Variants in NRG1 observed in about 807,000 individuals in gnomAD.
NRG1 encodes neuregulin 1.
NRG1 carries 18 observed loss-of-function variants against 63.8 expected under a neutral mutation model. The observed-to-expected ratio is 0.28, with a 90% CI of 0.19 to 0.42. The LOEUF (loss-of-function observed/expected upper bound fraction) is 0.42. Among genes scored for constraint, NRG1 ranks in the 10% least tolerant of loss-of-function variants. The probability of loss-of-function intolerance (pLI) is 1.00; values close to 1 mark genes in which losing one functional copy is unlikely to be tolerated. For synonymous variants in NRG1, 302 were observed against 301.3 expected, an observed-to-expected ratio of 1.00 and a Z score of -0.02; for missense variants, 762 against 814.7, an observed-to-expected ratio of 0.94 and a Z score of 0.79.
chr8:32,355,672 A>AAT (rs1806288610), intron 1 of NRG1, among the ~76,000 whole-genome samples: 1 of 151,404 alleles, frequency 6.6e-6, no homozygotes, highest in South Asian at 2.1e-4. Flanking sequence ...GAAGGGGGAA[A>AAT]AAAAAAACTG....
intron 1 of NRG1, among the ~76,000 whole-genome samples, chr8:32,505,431 G>C (rs1313200452): frequency 6.6e-6 from 1 of 152,054 alleles, no homozygotes; most frequent in Admixed American, 6.6e-5. Context: ...CCATCATCTG[G>C]TCTTTGACAA....
intron 1 of NRG1, among the ~76,000 whole-genome samples, chr8:32,571,791 C>G (rs1422658606): frequency 6.6e-6 from 1 of 152,068 alleles, no homozygotes; most frequent in African/African-American, 2.4e-5. Context: ...GCAGAATTTT[C>G]AAAGTTACTC....
chr8:32,305,442 C>T (rs879488411), intron 1 of NRG1, among the ~76,000 whole-genome samples: 1 of 152,112 alleles, frequency 6.6e-6, no homozygotes, highest in African/African-American at 2.4e-5. Flanking sequence ...ATACAATCTT[C>T]ACTTTTAGTC....
At chr8:32,059,814 C>T (rs1823550222) in intron 1 of NRG1, among the ~76,000 whole-genome samples, 1 of 151,868 alleles carries the variant, frequency 6.6e-6, no homozygotes, top group African/African-American at 2.4e-5. Context: ...CTATGGGAAA[C>T]TTTATTTCTA....
At chr8:31,959,091 G>A (rs983388367) in intron 1 of NRG1, among the ~76,000 whole-genome samples, 4 of 152,176 alleles carry the variant, frequency 2.6e-5, no homozygotes, top group African/African-American at 7.2e-5. Flanking sequence ...GCATGTGTCT[G>A]AAGTATCTGG....
rs138467608 is a variant in NRG1 at position 31,752,228 on chromosome 8, G to T, written c.37+112797G>T. 1.3e-4 allele frequency among the ~76,000 whole-genome samples: 20 copies of T among 152,146 alleles called. No individual in the cohort carries two copies. The East Asian group carries it at 3.9e-3, about 30-fold the overall frequency. ...ATTGATGTTTCAAAACAATTTTGTTGGTTTTTGATAATGTGGAAGTTATGG... is the reference window on the plus strand; with the variant it reads ...ATTGATGTTTCAAAACAATTTTGTTTGTTTTTGATAATGTGGAAGTTATGG... On this transcript the variant is annotated intron_variant, in intron 1 of 10. Coordinates refer to the NRG1 transcript ENST00000519301.
intron 1 of NRG1, among the ~76,000 whole-genome samples, chr8:31,881,341 C>A (rs1312943264): frequency 1.3e-5 from 2 of 152,120 alleles, no homozygotes; most frequent in Non-Finnish European, 2.9e-5. Flanking sequence ...TTTGGGAGCA[C>A]AACAAACCAT....
chr8:32,614,402 C>G (rs1265666500), intron 3 of NRG1, 112 bp from the exon 4 acceptor site: 4 of 987,868 alleles, frequency 4.0e-6, no homozygotes, highest in Non-Finnish European at 6.3e-6. Flanking sequence ...TTCTCACTCC[C>G]TTGCAATACT....
At chr8:32,539,121 C>T (rs919523888) in intron 1 of NRG1, among the ~76,000 whole-genome samples, 2 of 152,050 alleles carry the variant, frequency 1.3e-5, no homozygotes, top group South Asian at 4.1e-4. Flanking sequence ...AGGGTGCCCA[C>T]AATGCACAGG....
intron 5 of NRG1, among the ~76,000 whole-genome samples, chr8:32,699,604 G>C (rs1316842801): frequency 6.6e-6 from 1 of 152,162 alleles, no homozygotes; most frequent in Non-Finnish European, 1.5e-5. Context: ...TTCAAACATA[G>C]GAGAACAAAA....
At chr8:32,724,485 C>T (rs1297645789) in intron 5 of NRG1, among the ~76,000 whole-genome samples, 3 of 151,988 alleles carry the variant, frequency 2.0e-5, no homozygotes, top group Admixed American at 6.6e-5. Flanking sequence ...GTTGAATTAC[C>T]AAATGGAAAC....
chr8:31,818,342 G>A (rs929094087), intron 1 of NRG1, among the ~76,000 whole-genome samples: 7 of 152,102 alleles, frequency 4.6e-5, no homozygotes, highest in Admixed American at 6.5e-5. Context: ...TAGGTTTTAC[G>A]GTCTTGTGTA....
chr8:31,661,137 A>G (rs1032288539), intron 1 of NRG1, among the ~76,000 whole-genome samples: 5 of 152,174 alleles, frequency 3.3e-5, no homozygotes, highest in African/African-American at 1.2e-4. Context: ...TTTGCTGGAC[A>G]GGGTATTTTA....
chr8:31,919,171 T>G (rs1002193002), intron 1 of NRG1, among the ~76,000 whole-genome samples: 1 of 152,096 alleles, frequency 6.6e-6, no homozygotes, highest in African/African-American at 2.4e-5. Flanking sequence ...ATTCATTGAT[T>G]TTTTTGAAGG....
At chr8:31,777,684 A>G (rs1214086035) in intron 1 of NRG1, among the ~76,000 whole-genome samples, 2 of 152,204 alleles carry the variant, frequency 1.3e-5, no homozygotes, top group Non-Finnish European at 2.9e-5. Context: ...TCTGCTTCTG[A>G]TGAGGGCCTT....
At chr8:32,725,087 T>C (rs544414201) in intron 5 of NRG1, among the ~76,000 whole-genome samples, 1 of 152,350 alleles carries the variant, frequency 6.6e-6, no homozygotes, top group South Asian at 2.1e-4. Context: ...TATGTGTTGC[T>C]TATGTCACTG....
At chr8:31,943,531 GAAAT>G (rs55983255) in intron 1 of NRG1, among the ~76,000 whole-genome samples, 7,592 of 148,630 alleles carry the variant, frequency 0.051, 633 homozygotes, top group African/African-American at 0.18. Flanking sequence ...AAAACCTATT[GAAAT>G]AAATAAATAA....
intron 1 of NRG1, among the ~76,000 whole-genome samples, chr8:32,451,887 A>G (rs1268967679): frequency 3.3e-5 from 5 of 152,064 alleles, no homozygotes. Flanking sequence ...GTGCAGTGGT[A>G]TGATGTTGGC....
At chr8:31,839,376 CAG>C (rs1161094983) in intron 1 of NRG1, among the ~76,000 whole-genome samples, 1 of 152,110 alleles carries the variant, frequency 6.6e-6, no homozygotes, top group Non-Finnish European at 1.5e-5. Context: ...CACAAATAAA[CAG>C]AAAATATTTT....
Sources: gnomAD v4.1 joint callset for allele counts (sites outside exome capture counted in the v4.1 genomes callset) on GRCh38, gnomAD v4.1.1 for gene constraint, MANE v1.5 for transcripts, NCBI Gene and HGNC (gene_info 2026-07-23, HGNC 2026-07-21) for gene names.